The following SOX6 variants were observed in gnomAD, a reference collection of about 807,000 sequenced individuals.
SOX6 encodes transcription factor SOX-6.
Under a neutral mutation model 97.8 loss-of-function variants are expected in SOX6, and 11 were observed. The ratio of observed to expected loss-of-function variants is 0.11; its 90% CI spans 0.07 to 0.19. The LOEUF (loss-of-function observed/expected upper bound fraction) is 0.19, where lower values mean the gene tolerates loss of function less well. SOX6 is among the 10% of genes least tolerant of loss of function. The pLI is 1.00. For missense variants in SOX6, 810 were observed against 1,039.5 expected, an observed-to-expected ratio of 0.78 and a Z score of 3.04; for synonymous variants, 360 against 371.4, an observed-to-expected ratio of 0.97 and a Z score of 0.35.
intron 4 of SOX6, among the ~76,000 whole-genome samples, chr11:16,511,039 C>A (rs115642299): frequency 1.3e-5 from 2 of 152,014 alleles, no homozygotes; most frequent in South Asian, 4.1e-4. Flanking sequence ...GATACTAAGA[C>A]GAAAAAACTA....
intron 13 of SOX6, among the ~76,000 whole-genome samples, chr11:16,005,345 C>T (rs553475812): frequency 2.0e-4 from 31 of 151,952 alleles, no homozygotes; most frequent in African/African-American, 7.0e-4. Flanking sequence ...CACATCTCCG[C>T]AGTTCCCATA....
intron 12 of SOX6, among the ~76,000 whole-genome samples, chr11:16,045,566 C>T (rs990887205): frequency 1.3e-5 from 2 of 152,088 alleles, no homozygotes; most frequent in African/African-American, 4.8e-5. Flanking sequence ...CAGGGTGTAC[C>T]AGGTAATAAT....
intron 3 of SOX6, among the ~76,000 whole-genome samples, chr11:16,637,177 T>C (rs1252630758): frequency 6.6e-6 from 1 of 152,202 alleles, no homozygotes; most frequent in Non-Finnish European, 1.5e-5. Context: ...TTCAAGTTCT[T>C]TTTTAGATTT....
chr11:16,512,411 A>G (rs1333264171), intron 4 of SOX6, among the ~76,000 whole-genome samples: 2 of 152,214 alleles, frequency 1.3e-5, no homozygotes, highest in Non-Finnish European at 2.9e-5. Context: ...TTCCTGTGAT[A>G]AAAAGCAACT....
chr11:16,565,134 C>T (rs566274259), intron 4 of SOX6, among the ~76,000 whole-genome samples: 2 of 151,866 alleles, frequency 1.3e-5, no homozygotes, highest in African/African-American at 2.4e-5. Flanking sequence ...CATTACAGAC[C>T]GTGCAGACAT....
At chr11:16,181,559 C>CAAA (rs5789942) in intron 6 of SOX6, among the ~76,000 whole-genome samples, 1 of 137,680 alleles carries the variant, frequency 7.3e-6, no homozygotes, top group Non-Finnish European at 1.6e-5. Flanking sequence ...TTTCCCCTTC[C>CAAA]AAAAAAAAAA....
At chr11:16,459,342 G>GA (rs916907820) in intron 1 of SOX6, among the ~76,000 whole-genome samples, 1 of 151,106 alleles carries the variant, frequency 6.6e-6, no homozygotes, top group Non-Finnish European at 1.5e-5. Flanking sequence ...CTGCATACCA[G>GA]AAAAAAAAGT....
intron 3 of SOX6, among the ~76,000 whole-genome samples, chr11:16,240,274 T>C (rs1032484551): frequency 1.6e-4 from 11 of 69,578 alleles, no homozygotes; most frequent in African/African-American, 5.8e-4. Context: ...CTAGATAATA[T>C]AGTGTGTGTG....
At chr11:16,513,895 T>A (rs928383146) in intron 4 of SOX6, among the ~76,000 whole-genome samples, 1 of 151,970 alleles carries the variant, frequency 6.6e-6, no homozygotes, top group Non-Finnish European at 1.5e-5. Flanking sequence ...ACAAGATTTT[T>A]AATGTAAAAG....
At chr11:16,641,940 C>A (rs1272300299) in intron 3 of SOX6, among the ~76,000 whole-genome samples, 4 of 152,146 alleles carry the variant, frequency 2.6e-5, no homozygotes, top group African/African-American at 4.8e-5. Flanking sequence ...TGAATTTGTT[C>A]CTGACATTAT....
chr11:16,458,288 A>G (rs907631739), intron 1 of SOX6, among the ~76,000 whole-genome samples: 3 of 152,074 alleles, frequency 2.0e-5, no homozygotes, highest in Non-Finnish European at 4.4e-5. Context: ...CAAGGCAGAT[A>G]TTTCTCTAAG....
At chr11:16,591,239 A>C (rs913539465) in intron 4 of SOX6, among the ~76,000 whole-genome samples, 1 of 152,074 alleles carries the variant, frequency 6.6e-6, no homozygotes, top group African/African-American at 2.4e-5. Context: ...AATGTACCAA[A>C]TGTGCTGAAC....
chr11:16,298,688 CTT>C (rs1003432317), intron 3 of SOX6, among the ~76,000 whole-genome samples: 1 of 151,946 alleles, frequency 6.6e-6, no homozygotes, highest in African/African-American at 2.4e-5. Flanking sequence ...CTTCTTAACT[CTT>C]ATATAAAGAA....
intron 2 of SOX6, among the ~76,000 whole-genome samples, chr11:16,724,254 A>C (rs915131289): frequency 6.6e-6 from 1 of 152,212 alleles, no homozygotes; most frequent in Non-Finnish European, 1.5e-5. Context: ...TCTGTGTAGC[A>C]GCATAACATA....
intron 9 of SOX6, among the ~76,000 whole-genome samples, chr11:16,081,705 C>T (rs1171809867): frequency 6.6e-6 from 1 of 152,130 alleles, no homozygotes; most frequent in Non-Finnish European, 1.5e-5. Context: ...TAATTTACAG[C>T]TCAGCAAGAT....
At chr11:16,619,945 T>C (rs1367852601) in intron 3 of SOX6, among the ~76,000 whole-genome samples, 3 of 152,168 alleles carry the variant, frequency 2.0e-5, no homozygotes, top group Non-Finnish European at 2.9e-5. Context: ...TATTGATGTA[T>C]TTGACTTTAT....
intron 1 of SOX6, among the ~76,000 whole-genome samples, chr11:16,436,240 C>T (rs1590202828): frequency 6.6e-6 from 1 of 152,300 alleles, no homozygotes; most frequent in Admixed American, 6.5e-5. Context: ...CTGTTGGTCA[C>T]TTCCTTCTTA....
intron 1 of SOX6, among the ~76,000 whole-genome samples, chr11:16,471,134 C>T (rs1007615194): frequency 3.4e-5 from 5 of 147,568 alleles, no homozygotes; most frequent in Admixed American, 2.7e-4. Flanking sequence ...TAAAATTAAA[C>T]GGTCAGAATT....
chr11:16,125,157 C>T (rs998227540), intron 6 of SOX6, among the ~76,000 whole-genome samples: 16 of 151,956 alleles, frequency 1.1e-4, no homozygotes, highest in African/African-American at 3.6e-4. Context: ...AATACTTGTA[C>T]TCATTAATTC....
Sources: gnomAD v4.1 joint callset for allele counts (sites outside exome capture counted in the v4.1 genomes callset) on GRCh38, gnomAD v4.1.1 for gene constraint, MANE v1.5 for transcripts, NCBI Gene and HGNC (gene_info 2026-07-23, HGNC 2026-07-21) for gene names.